Variants in UBLCP1 observed in about 807,000 individuals in gnomAD.
UBLCP1 encodes the protein ubiquitin-like domain-containing CTD phosphatase 1.
Under a neutral mutation model 42.4 loss-of-function variants are expected in UBLCP1, and 28 were observed. That is an observed-to-expected ratio of 0.66 (90% CI 0.49 to 0.90). The LOEUF (loss-of-function observed/expected upper bound fraction) is 0.90. Among genes scored for constraint, UBLCP1 ranks in the 40% least tolerant of loss-of-function variants. The probability of loss-of-function intolerance (pLI) is 0.00; values close to 1 mark genes in which losing one functional copy is unlikely to be tolerated. For synonymous variants in UBLCP1, 122 were observed against 120.8 expected (o/e 1.01, Z -0.07); for missense variants, 279 against 374.5 (o/e 0.75, Z 2.10).
intron 1 of UBLCP1, among the ~76,000 whole-genome samples, chr5:159,267,897 C>G (rs1753418082): frequency 6.6e-6 from 1 of 152,218 alleles, no homozygotes; most frequent in African/African-American, 2.4e-5. Flanking sequence ...CCAATTAAAC[C>G]TCTTTCTCTT....
At chr5:159,277,652 T>C (rs1380050470) in intron 8 of UBLCP1, among the ~76,000 whole-genome samples, 1 of 152,144 alleles carries the variant, frequency 6.6e-6, no homozygotes, top group African/African-American at 2.4e-5. Context: ...GAAGCTTCAG[T>C]TTAAGAATTC....
At chr5:159,282,753 G>A (rs1008430998) in intron 9 of UBLCP1, among the ~76,000 whole-genome samples, 3 of 151,922 alleles carry the variant, frequency 2.0e-5, no homozygotes, top group African/African-American at 7.3e-5. Flanking sequence ...AATGTATAAT[G>A]ATATCTCAGC....
rs1291252086 is a variant in UBLCP1 at position 159,285,219 on chromosome 5, C to T, written c.*288C>T. Reference sequence around the variant, plus strand: ...CACCACACACACACACACACACACACACACACACACACACACACACACACA... The same window carrying T: ...CACCACACACACACACACACACACATACACACACACACACACACACACACA... On this transcript the variant is annotated 3_prime_UTR_variant, in exon 11 of 11. Coordinates refer to ENST00000296786, the MANE Select transcript of UBLCP1 (RefSeq NM_145049.5). 4.0e-6 allele frequency: 1 copy of T among 251,200 alleles called. No homozygotes were observed. The highest frequency in any genetic ancestry group is 2.5e-5 in the African/African-American group (1 of 40,712). 15.6% of individuals were successfully genotyped at this position (251,200 alleles called of 1,614,324 possible).
At chr5:159,270,210 C>A in intron 3 of UBLCP1, 150 bp from the exon 4 acceptor site, 1 of 770,012 alleles carries the variant, frequency 1.3e-6, no homozygotes, top group Non-Finnish European at 2.1e-6. Context: ...AGGAAACATA[C>A]ATAACGAATT....
intron 10 of UBLCP1, among the ~76,000 whole-genome samples, chr5:159,284,164 C>T (rs1410128729): frequency 6.6e-6 from 1 of 152,120 alleles, no homozygotes; most frequent in Non-Finnish European, 1.5e-5. Flanking sequence ...GACATTTTTA[C>T]CCCCATCTTT....
chr5:159,274,290 A>G, intron 6 of UBLCP1: 1 of 249,684 alleles, frequency 4.0e-6, no homozygotes, highest in Non-Finnish European at 7.7e-6. Flanking sequence ...GGGCTGATTT[A>G]AAAAGAGAGT....
Position 159,285,067 on chromosome 5 carries a change from T to A in UBLCP1, c.*136T>A. On this transcript the variant is annotated 3_prime_UTR_variant, in exon 11 of 11. Transcript: ENST00000296786. ...TTATACTTGGTCTTCCAGTTTTTTG[T>A]AAATTTAATTTTATATTTTTTGAAG... The A allele has an allele frequency of 1.3e-6, 1 of 773,994 alleles. No individual in the cohort carries two copies. The highest frequency in any genetic ancestry group is 2.1e-6 in the Non-Finnish European group (1 of 485,562). The allele number at this position is 773,994 out of a possible 1,614,324, so 47.9% of individuals were successfully genotyped here.
At chr5:159,283,453 T>C in intron 10 of UBLCP1, 114 bp downstream of exon 10, 1 of 932,914 alleles carries the variant, frequency 1.1e-6, no homozygotes, top group Non-Finnish European at 1.6e-6. Context: ...TTAAAATAGG[T>C]GACTTCTAAA....
At chr5:159,283,383 GA>G (rs773063771) in intron 10 of UBLCP1, 44 bp downstream of exon 10, 1 of 1,478,970 alleles carries the variant, frequency 6.8e-7, no homozygotes, top group African/African-American at 1.4e-5. Context: ...CATCAATGAA[GA>G]AAAAATTATC....
Position 159,270,561 on chromosome 5 carries a change from G to C in UBLCP1, c.366G>C (p.Val122=). ...ACCTACTGAAAATTTCTCGCAGAGT[G>C]AAAGAGTACAAAGTGGAAATTTTGA... The part of the protein sequence containing the change: ...EENLLKISRR[V]KEYKVEILNP... Residue 122 remains valine, a synonymous_variant, in exon 5 of 11, where the codon GTG becomes GTC. Coordinates refer to ENST00000296786, the MANE Select transcript of UBLCP1 (RefSeq NM_145049.5). The C allele has an allele frequency of 6.2e-7, 1 of 1,611,710 alleles. No individual in the cohort carries two copies. Among genetic ancestry groups the C allele is most frequent in the Non-Finnish European group, 8.5e-7 (1 of 1,179,230 alleles).
Position 159,270,562 on chromosome 5 carries a change from A to G in UBLCP1, c.367A>G (p.Lys123Glu). 3.1e-6 allele frequency: 5 copies of G among 1,611,798 alleles called. No homozygotes were observed. The highest frequency in any genetic ancestry group is 1.3e-5 in the African/African-American group (1 of 74,898). ...ENLLKISRRV[K>E]EYKVEILNPP... ...CCTACTGAAAATTTCTCGCAGAGTG[A>G]AAGAGTACAAAGTGGAAATTTTGAA... Residue 123 changes from lysine to glutamate, a missense_variant, in exon 5 of 11, where the codon AAA (lysine) becomes GAA (glutamate). By Grantham distance (56) the Lys-to-Glu change is moderately conservative (BLOSUM62 1). Coordinates refer to ENST00000296786, the MANE Select transcript of UBLCP1 (RefSeq NM_145049.5).
intron 10 of UBLCP1, among the ~76,000 whole-genome samples, chr5:159,284,632 T>C (rs751975638): frequency 2.0e-5 from 3 of 152,184 alleles, no homozygotes; most frequent in Non-Finnish European, 4.4e-5. Context: ...ACTTTCTAGC[T>C]GTGTGAATTT....
chr5:159,270,915 A>C (rs1240781314), intron 5 of UBLCP1, among the ~76,000 whole-genome samples: 1 of 150,188 alleles, frequency 6.7e-6, no homozygotes, highest in East Asian at 1.9e-4. Context: ...CTTTTATTTA[A>C]TAACACATTG....
intron 1 of UBLCP1, among the ~76,000 whole-genome samples, chr5:159,264,074 C>T (rs1328711454): frequency 2.0e-5 from 3 of 152,190 alleles, no homozygotes; most frequent in Non-Finnish European, 4.4e-5. Flanking sequence ...AGTGCTGTCA[C>T]AGGTGTTACT....
Position 159,270,357 on chromosome 5 carries a change from T to C in UBLCP1, c.247-3T>C, listed in dbSNP as rs1236453421. 4 of 1,610,522 alleles carry C rather than the reference T, an allele frequency of 2.5e-6. No individual in the cohort carries two copies. The highest frequency in any genetic ancestry group is 1.1e-5 in the South Asian group (1 of 90,532). ...TAGAACAAAACTTTTTCCATCTTAATAGGAAGATGTCTTAGGTCCACCCCC... is the reference window on the plus strand; with the variant it reads ...TAGAACAAAACTTTTTCCATCTTAACAGGAAGATGTCTTAGGTCCACCCCC... On this transcript the variant is annotated splice_region_variant and splice_polypyrimidine_tract_variant and intron_variant, in intron 3 of 10. Coordinates refer to ENST00000296786, the MANE Select transcript of UBLCP1 (RefSeq NM_145049.5).
At chr5:159,268,653 T>G (rs1171554280) in intron 1 of UBLCP1, among the ~76,000 whole-genome samples, 1 of 152,192 alleles carries the variant, frequency 6.6e-6, no homozygotes, top group Admixed American at 6.5e-5. Context: ...CTCAGAGTAT[T>G]AGAAAGTAGT....
At chr5:159,263,410 G>A (rs1753326879) in intron 1 of UBLCP1, 50 bp downstream of exon 1, 1 of 152,312 alleles carries the variant, frequency 6.6e-6, no homozygotes, top group Non-Finnish European at 1.5e-5. Context: ...GACGCTGTTG[G>A]GGCTCGGGGA....
chr5:159,282,556 CAT>C (rs916311856), intron 9 of UBLCP1, among the ~76,000 whole-genome samples: 10 of 152,212 alleles, frequency 6.6e-5, no homozygotes, highest in African/African-American at 1.7e-4. Flanking sequence ...ATTATTCTGA[CAT>C]GTGTGGTTTG....
intron 1 of UBLCP1, among the ~76,000 whole-genome samples, chr5:159,266,857 C>T (rs1368748937): frequency 1.3e-5 from 2 of 152,190 alleles, no homozygotes; most frequent in African/African-American, 2.4e-5. Context: ...CCTGTGGGTA[C>T]ACAGAAGTCA....
Sources: gnomAD v4.1 joint callset for allele counts (sites outside exome capture counted in the v4.1 genomes callset) on GRCh38, gnomAD v4.1.1 for gene constraint, MANE v1.5 for transcripts, NCBI Gene and HGNC (gene_info 2026-07-23, HGNC 2026-07-21) for gene names.